Variants in MAGI1 observed in about 807,000 individuals in gnomAD.
MAGI1 encodes membrane associated guanylate kinase, WW and PDZ domain containing 1.
MAGI1 carries 58 observed loss-of-function variants against 139.9 expected under a neutral mutation model. The observed-to-expected ratio is 0.41, with a 90% confidence interval of 0.34 to 0.52. The LOEUF is 0.52. Among genes scored for constraint, MAGI1 ranks in the 20% least tolerant of loss-of-function variants. The pLI is 0.12. For synonymous variants in MAGI1, 812 were observed against 737.9 expected, an observed-to-expected ratio of 1.10 and a Z score of -1.63; for missense variants, 1,874 against 1,901.6, an observed-to-expected ratio of 0.99 and a Z score of 0.27.
intron 22 of MAGI1, chr3:65,360,412 C>G (rs1940716789): frequency 1.0e-6 from 1 of 953,104 alleles, no homozygotes; most frequent in Non-Finnish European, 1.2e-6. Flanking sequence ...TAATTATTAT[C>G]ATATACAATA....
intron 1 of MAGI1, among the ~76,000 whole-genome samples, chr3:65,959,634 ATTAT>A: frequency 6.9e-6 from 1 of 144,908 alleles, no homozygotes; most frequent in Admixed American, 7.0e-5. Flanking sequence ...TATTATTATT[ATTAT>A]TATTATTATT....
intron 3 of MAGI1, among the ~76,000 whole-genome samples, chr3:65,490,107 C>G (rs1325902159): frequency 6.6e-6 from 1 of 152,144 alleles, no homozygotes; most frequent in Non-Finnish European, 1.5e-5. Context: ...ACTACAGGAG[C>G]AATTTTGAAC....
intron 1 of MAGI1, among the ~76,000 whole-genome samples, chr3:65,986,264 T>G (rs748046036): frequency 6.6e-6 from 1 of 152,224 alleles, no homozygotes; most frequent in Non-Finnish European, 1.5e-5. Flanking sequence ...TTTACCCATA[T>G]TAACTTTTAA....
intron 1 of MAGI1, among the ~76,000 whole-genome samples, chr3:66,028,835 A>G (rs989515036): frequency 6.6e-6 from 1 of 152,168 alleles, no homozygotes; most frequent in Non-Finnish European, 1.5e-5. Context: ...TCAAGCAGAA[A>G]AAAGAGTGTT....
intron 1 of MAGI1, among the ~76,000 whole-genome samples, chr3:65,984,231 T>C (rs1560081423): frequency 1.3e-5 from 2 of 152,076 alleles, no homozygotes; most frequent in Non-Finnish European, 2.9e-5. Context: ...GAGGCAGAGG[T>C]TGCAGTGAGC....
intron 1 of MAGI1, among the ~76,000 whole-genome samples, chr3:65,718,843 A>C (rs1410559132): frequency 6.6e-6 from 1 of 152,124 alleles, no homozygotes; most frequent in African/African-American, 2.4e-5. Context: ...ACAGATTTCC[A>C]TCTGGTCTTT....
At chr3:65,770,209 T>G (rs1254626398) in intron 1 of MAGI1, among the ~76,000 whole-genome samples, 4 of 152,232 alleles carry the variant, frequency 2.6e-5, no homozygotes, top group Non-Finnish European at 5.9e-5. Context: ...ATGTGGCCAT[T>G]CAGCATTTCC....
intron 1 of MAGI1, among the ~76,000 whole-genome samples, chr3:65,855,867 CT>C (rs2059363208): frequency 6.6e-6 from 1 of 151,630 alleles, no homozygotes; most frequent in Admixed American, 6.6e-5. Context: ...CTCACTCATT[CT>C]TTCCCTCACT....
intron 1 of MAGI1, among the ~76,000 whole-genome samples, chr3:65,721,401 A>T (rs1171716131): frequency 6.6e-6 from 1 of 152,150 alleles, no homozygotes; most frequent in Non-Finnish European, 1.5e-5. Context: ...GGTGCTACTG[A>T]TAATTAGGTC....
At chr3:65,999,091 G>A (rs1004565273) in intron 1 of MAGI1, among the ~76,000 whole-genome samples, 18 of 151,914 alleles carry the variant, frequency 1.2e-4, no homozygotes, top group Admixed American at 2.0e-4. Flanking sequence ...TTGAAGTTCC[G>A]GGGTACATGT....
At chr3:65,726,359 C>G (rs1467350680) in intron 1 of MAGI1, among the ~76,000 whole-genome samples, 1 of 152,146 alleles carries the variant, frequency 6.6e-6, no homozygotes, top group Admixed American at 6.5e-5. Flanking sequence ...AGGATGCTAA[C>G]CATTCAATCT....
chr3:66,017,235 TAGTC>T (rs2067694979), intron 1 of MAGI1, among the ~76,000 whole-genome samples: 1 of 152,200 alleles, frequency 6.6e-6, no homozygotes, highest in African/African-American at 2.4e-5. Context: ...AAGTAGGAGT[TAGTC>T]AGTGCGGGAA....
chr3:65,783,152 A>C (rs2039072165), intron 1 of MAGI1, among the ~76,000 whole-genome samples: 2 of 150,706 alleles, frequency 1.3e-5, no homozygotes, highest in Non-Finnish European at 2.9e-5. Context: ...CAGTGTGCAG[A>C]ATGTATTAAA....
At chr3:65,496,312 G>T (rs11719771) in intron 2 of MAGI1, among the ~76,000 whole-genome samples, 17,374 of 151,858 alleles carry the variant, frequency 0.11, 1,305 homozygotes, top group Middle Eastern at 0.17. Flanking sequence ...AAATTACTTG[G>T]ATTACAGGCA....
At chr3:65,953,554 T>C (rs771938900) in intron 1 of MAGI1, among the ~76,000 whole-genome samples, 3 of 152,106 alleles carry the variant, frequency 2.0e-5, no homozygotes, top group Non-Finnish European at 4.4e-5. Flanking sequence ...GCTGAGCCAA[T>C]TGCACCAGTG....
chr3:65,989,275 A>G (rs527506166), intron 1 of MAGI1, among the ~76,000 whole-genome samples: 1 of 152,318 alleles, frequency 6.6e-6, no homozygotes, highest in Admixed American at 6.5e-5. Context: ...ATTTGACCAC[A>G]TTCTCAGCTC....
chr3:65,560,280 G>C (rs960009788), intron 2 of MAGI1, among the ~76,000 whole-genome samples: 48 of 152,274 alleles, frequency 3.2e-4, no homozygotes, highest in African/African-American at 1.1e-3. Context: ...CGTCCATTAT[G>C]ATGGTGCACT....
chr3:65,619,897 T>A, intron 2 of MAGI1: 1 of 985,284 alleles, frequency 1.0e-6, no homozygotes, highest in Non-Finnish European at 1.2e-6. Flanking sequence ...TCCAAATTCC[T>A]GATTTACTGG....
At chr3:65,696,077 T>C (rs562673143) in intron 1 of MAGI1, among the ~76,000 whole-genome samples, 1 of 152,286 alleles carries the variant, frequency 6.6e-6, no homozygotes, top group South Asian at 2.1e-4. Context: ...TCCCACCAAA[T>C]GGGTTCCAGC....
Sources: allele counts gnomAD v4.1 joint callset (sites outside exome capture counted in the v4.1 genomes callset), GRCh38; gene constraint gnomAD v4.1.1; transcripts MANE v1.5; gene names NCBI Gene and HGNC (gene_info 2026-07-23, HGNC 2026-07-21).